MEIS2: variants seen among roughly 807,000 people sequenced by gnomAD.
MEIS2 encodes homeobox protein Meis2.
MEIS2 carries 9 observed loss-of-function variants against 58.6 expected under a neutral mutation model. That is an observed-to-expected ratio of 0.15 (90% CI 0.09 to 0.27). The LOEUF (loss-of-function observed/expected upper bound fraction) is 0.27. Among genes scored for constraint, MEIS2 ranks in the 10% least tolerant of loss-of-function variants. The pLI is 1.00. For missense variants in MEIS2, 427 were observed against 635.0 expected (o/e 0.67, Z 3.52); for synonymous variants, 221 against 228.4 (o/e 0.97, Z 0.29).
At chr15:37,095,139 C>T (rs1369348290) in intron 4 of MEIS2, 3 of 193,954 alleles carry the variant, frequency 1.5e-5, no homozygotes, top group Non-Finnish European at 3.2e-5. Flanking sequence ...CTAAAAGTGG[C>T]CTGCGCTGGC....
intron 6 of MEIS2, among the ~76,000 whole-genome samples, chr15:37,085,328 A>G (rs1892755048): frequency 6.6e-6 from 1 of 152,208 alleles, no homozygotes; most frequent in Admixed American, 6.5e-5. Context: ...GCCATTATGT[A>G]TAGTTCATCA....
chr15:36,916,783 T>A (rs765217936), intron 9 of MEIS2, among the ~76,000 whole-genome samples: 1 of 152,168 alleles, frequency 6.6e-6, no homozygotes, highest in Non-Finnish European at 1.5e-5. Flanking sequence ...CTTGCTTTCA[T>A]CCATATTATT....
chr15:37,001,961 C>T (rs781523741), intron 8 of MEIS2, among the ~76,000 whole-genome samples: 3 of 152,150 alleles, frequency 2.0e-5, no homozygotes, highest in Non-Finnish European at 4.4e-5. Context: ...ACACAAAAGC[C>T]TTGTAATGAG....
At chr15:37,095,685 G>A in intron 3 of MEIS2, 71 bp from the exon 4 acceptor site, 2 of 1,608,548 alleles carry the variant, frequency 1.2e-6, no homozygotes, top group Non-Finnish European at 1.7e-6. Flanking sequence ...GTGAGAATGG[G>A]TACGGTGGAG....
rs151321211 is a variant in MEIS2, at chr15:37,015,378, G to A, written c.900+21436C>T. 7.2e-3 allele frequency among the ~76,000 whole-genome samples: 1,102 copies of A among 152,240 alleles called. 13 individuals are homozygous for A. Among genetic ancestry groups the A allele is most frequent in the African/African-American group, 0.025 (1,050 of 41,526 alleles). On this transcript the variant is annotated intron_variant, in intron 8 of 11. Transcript: ENST00000561208. The stretch of plus-strand genomic sequence containing the variant: ...TGCTGGTTTAAATAATGAACATTAA[G>A]GGGAGTTGAATTCATAAAACTGTAG...
chr15:36,907,042 C>T (rs1567034985), intron 9 of MEIS2, among the ~76,000 whole-genome samples: 1 of 152,070 alleles, frequency 6.6e-6, no homozygotes, highest in Admixed American at 6.5e-5. Flanking sequence ...CGTTCCACTC[C>T]TTACTTAACG....
intron 8 of MEIS2, among the ~76,000 whole-genome samples, chr15:36,987,512 G>A (rs2060133157): frequency 6.6e-6 from 1 of 151,878 alleles, no homozygotes; most frequent in Non-Finnish European, 1.5e-5. Flanking sequence ...GACACTGGTT[G>A]TAAACTTTTC....
At chr15:37,051,873 T>C (rs959424072) in intron 7 of MEIS2, among the ~76,000 whole-genome samples, 7 of 152,148 alleles carry the variant, frequency 4.6e-5, no homozygotes, top group African/African-American at 1.7e-4. Flanking sequence ...TTCATAAAGA[T>C]GTAAGGTGGG....
intron 3 of MEIS2, chr15:37,095,876 T>C (rs569615550): frequency 3.3e-4 from 176 of 539,124 alleles, no homozygotes; most frequent in Middle Eastern, 1.0e-3. Flanking sequence ...TCGAGTTCCA[T>C]ATCCAGCAGT....
At chr15:36,996,948 C>A (rs141938615) in intron 8 of MEIS2, among the ~76,000 whole-genome samples, 1 of 152,206 alleles carries the variant, frequency 6.6e-6, no homozygotes, top group African/African-American at 2.4e-5. Flanking sequence ...AGTCCTCTAA[C>A]CTTTCCAAAA....
intron 7 of MEIS2, among the ~76,000 whole-genome samples, chr15:37,073,950 C>T (rs893346274): frequency 4.6e-5 from 7 of 151,978 alleles, no homozygotes; most frequent in Non-Finnish European, 4.4e-5. Context: ...TATGAATTTA[C>T]AGTCTAAATA....
chr15:37,100,726 TGCGTGCGCGCGTGTGTGTTGCGCGC>T (rs1006406884), upstream of MEIS2, among the ~76,000 whole-genome samples: 1 of 150,306 alleles, frequency 6.7e-6, no homozygotes, highest in Non-Finnish European at 1.5e-5. Flanking sequence ...TGTATGTGTG[TGCGTGCGCGCGTGTGTGTTGCGCGC>T]GCGCGCGCGC....
chr15:37,032,726 A>G (rs2061980185), intron 8 of MEIS2, among the ~76,000 whole-genome samples: 1 of 147,050 alleles, frequency 6.8e-6, no homozygotes, highest in African/African-American at 2.7e-5. Flanking sequence ...ATATATAGAT[A>G]GATTTATTCT....
chr15:37,099,246 ACGCACACACGCACGCACACACACT>A, intron 1 of MEIS2, 185 bp downstream of exon 1: 2 of 1,437,550 alleles, frequency 1.4e-6, no homozygotes, highest in Admixed American at 5.6e-5. Context: ...GCGCCCAGAC[ACGCACACACGCACGCACACACACT>A]CGCACACACG....
intron 8 of MEIS2, among the ~76,000 whole-genome samples, chr15:36,959,766 GA>G (rs2059118686): frequency 6.6e-6 from 1 of 152,142 alleles, no homozygotes; most frequent in South Asian, 2.1e-4. Context: ...CTATGGAAAA[GA>G]AATAAATGCA....
chr15:37,045,632 G>T (rs2062631425), intron 7 of MEIS2, among the ~76,000 whole-genome samples: 1 of 152,112 alleles, frequency 6.6e-6, no homozygotes, highest in Non-Finnish European at 1.5e-5. Context: ...AGGGGAGGGG[G>T]CTGTAGACCC....
At chr15:37,076,268 A>G (rs1057094659) in intron 7 of MEIS2, among the ~76,000 whole-genome samples, 2 of 152,092 alleles carry the variant, frequency 1.3e-5, no homozygotes, top group Non-Finnish European at 2.9e-5. Flanking sequence ...AGAAGGGGAA[A>G]AAATAACATG....
chr15:36,999,572 G>A (rs905647803), intron 8 of MEIS2, among the ~76,000 whole-genome samples: 1 of 152,122 alleles, frequency 6.6e-6, no homozygotes, highest in African/African-American at 2.4e-5. Context: ...ATCCTGCAGG[G>A]AGTTTTCATT....
At chr15:36,987,048 T>A (rs893799885) in intron 8 of MEIS2, among the ~76,000 whole-genome samples, 1 of 152,170 alleles carries the variant, frequency 6.6e-6, no homozygotes, top group Non-Finnish European at 1.5e-5. Flanking sequence ...TAAAACTTTC[T>A]GGACTACAGT....
Sources: gnomAD v4.1 joint callset for allele counts (sites outside exome capture counted in the v4.1 genomes callset) on GRCh38, gnomAD v4.1.1 for gene constraint, MANE v1.5 for transcripts, NCBI Gene and HGNC (gene_info 2026-07-23, HGNC 2026-07-21) for gene names.